RIGI: variants seen among roughly 807,000 people sequenced by gnomAD.
RIGI encodes the protein RNA sensor RIG-I.
At chr9:32,478,261 T>A in the RIGI span, among the ~76,000 whole-genome samples, 1 of 152,310 alleles carries the variant, frequency 6.6e-6, no homozygotes, top group African/African-American at 2.4e-5. Flanking sequence ...GCCAGGCTGG[T>A]CTTGAACTCC....
the RIGI span, among the ~76,000 whole-genome samples, chr9:32,496,019 G>A: frequency 1.3e-5 from 2 of 152,130 alleles, no homozygotes; most frequent in Non-Finnish European, 2.9e-5. Context: ...TATATGATTT[G>A]CAAACATTTT....
At chr9:32,472,156 G>T in the RIGI span, among the ~76,000 whole-genome samples, 2 of 152,130 alleles carry the variant, frequency 1.3e-5, no homozygotes, top group African/African-American at 2.4e-5. Flanking sequence ...TTTTAAAATT[G>T]TAAAATACAT....
chr9:32,457,089 C>A, the RIGI span: 1 of 1,563,606 alleles, frequency 6.4e-7, no homozygotes, highest in South Asian at 1.1e-5. Flanking sequence ...CAAAGTTACT[C>A]ATTCCCTGTA....
At chr9:32,460,734 CAG>C in the RIGI span, among the ~76,000 whole-genome samples, 1 of 151,600 alleles carries the variant, frequency 6.6e-6, no homozygotes, top group Non-Finnish European at 1.5e-5. Context: ...GAAAGAACAA[CAG>C]AAATTACCCA....
chr9:32,496,454 A>C, the RIGI span, among the ~76,000 whole-genome samples: 1 of 152,148 alleles, frequency 6.6e-6, no homozygotes, highest in Non-Finnish European at 1.5e-5. Flanking sequence ...TAAAGACCAA[A>C]ACAGAACAAA....
At chr9:32,510,234 G>C in the RIGI span, among the ~76,000 whole-genome samples, 3 of 152,006 alleles carry the variant, frequency 2.0e-5, no homozygotes, top group Non-Finnish European at 4.4e-5. Context: ...AGGAAATACA[G>C]AGAACACCAC....
chr9:32,494,011 T>C, the RIGI span: 6 of 1,210,574 alleles, frequency 5.0e-6, no homozygotes, highest in South Asian at 1.5e-5. Context: ...ATTAGTATCA[T>C]AGAAATCATG....
the RIGI span, among the ~76,000 whole-genome samples, chr9:32,464,833 C>T: frequency 6.6e-6 from 1 of 152,198 alleles, no homozygotes; most frequent in Non-Finnish European, 1.5e-5. Context: ...CCTACCATCT[C>T]TGCCTATCTA....
the RIGI span, chr9:32,456,929 G>A: frequency 7.2e-6 from 4 of 552,982 alleles, no homozygotes; most frequent in South Asian, 1.0e-4. Context: ...AGCTCTGTTG[G>A]CCTACAAAAT....
At chr9:32,518,961 T>C in the RIGI span, among the ~76,000 whole-genome samples, 1 of 152,212 alleles carries the variant, frequency 6.6e-6, no homozygotes, top group Admixed American at 6.5e-5. Context: ...TCACCCATCT[T>C]GGCCTCCCAA....
chr9:32,466,058 C>T, the RIGI span, among the ~76,000 whole-genome samples: 3 of 152,182 alleles, frequency 2.0e-5, no homozygotes, highest in Non-Finnish European at 2.9e-5. Flanking sequence ...CTAGAGAAAT[C>T]CTAGCTCAAT....
the RIGI span, among the ~76,000 whole-genome samples, chr9:32,513,390 C>A: frequency 6.6e-6 from 1 of 152,078 alleles, no homozygotes; most frequent in African/African-American, 2.4e-5. Context: ...ATATATAGAC[C>A]AATGGAACAG....
the RIGI span, among the ~76,000 whole-genome samples, chr9:32,514,313 T>C: frequency 6.6e-6 from 1 of 152,112 alleles, no homozygotes; most frequent in African/African-American, 2.4e-5. Flanking sequence ...CAGCAAAGAC[T>C]TGGAACCAAC....
At chr9:32,458,589 T>G in the RIGI span, among the ~76,000 whole-genome samples, 1 of 152,216 alleles carries the variant, frequency 6.6e-6, no homozygotes, top group East Asian at 1.9e-4. Context: ...ACCATTAGTT[T>G]GTAAGCAGTT....
chr9:32,471,945 C>T, the RIGI span, among the ~76,000 whole-genome samples: 1 of 151,828 alleles, frequency 6.6e-6, no homozygotes, highest in East Asian at 1.9e-4. Flanking sequence ...TAGGGACTGA[C>T]AGGGTGGGTA....
the RIGI span, chr9:32,485,144 G>C: frequency 6.7e-7 from 1 of 1,492,774 alleles, no homozygotes; most frequent in Non-Finnish European, 9.2e-7. Flanking sequence ...TTCCCCAGTA[G>C]AGAGAACACA....
the RIGI span, among the ~76,000 whole-genome samples, chr9:32,520,580 A>G: frequency 6.6e-6 from 1 of 152,196 alleles, no homozygotes; most frequent in Non-Finnish European, 1.5e-5. Flanking sequence ...AATTAAAACC[A>G]TTCAATCCCT....
chr9:32,492,122 G>A, the RIGI span, among the ~76,000 whole-genome samples: 5 of 152,068 alleles, frequency 3.3e-5, no homozygotes, highest in Admixed American at 2.0e-4. Context: ...CTGAGAGTTC[G>A]GATTTTGCCT....
chr9:32,503,453 A>C, the RIGI span, among the ~76,000 whole-genome samples: 1 of 152,102 alleles, frequency 6.6e-6, no homozygotes, highest in Admixed American at 6.5e-5. Context: ...TGTGATGTCA[A>C]ACCTCAGCTT....
Sources: gnomAD v4.1 joint callset for allele counts (sites outside exome capture counted in the v4.1 genomes callset) on GRCh38, gnomAD v4.1.1 for gene constraint, MANE v1.5 for transcripts, NCBI Gene and HGNC (gene_info 2026-07-23, HGNC 2026-07-21) for gene names.